TTYH2: variants seen among roughly 807,000 people sequenced by gnomAD.
The protein encoded by TTYH2 is protein tweety homolog 2.
TTYH2 carries 49 observed loss-of-function variants against 68.3 expected under a neutral mutation model. That is an observed-to-expected ratio of 0.72 (90% CI 0.57 to 0.91). The LOEUF is 0.91. Among genes scored for constraint, TTYH2 ranks in the 40% least tolerant of loss-of-function variants. TTYH2 has a pLI of 0.00. For missense variants in TTYH2, 631 were observed against 700.4 expected (o/e 0.90, Z 1.12); for synonymous variants, 272 against 300.8 (o/e 0.90, Z 0.99).
chr17:74,247,332 T>C (rs182593530), intron 6 of TTYH2, among the ~76,000 whole-genome samples: 2 of 152,200 alleles, frequency 1.3e-5, no homozygotes, highest in East Asian at 3.9e-4. Flanking sequence ...GGGTGGACCA[T>C]TTCGACATGC....
Position 74,243,469 on chromosome 17 carries a change from C to T in TTYH2, c.731C>T (p.Ser244Leu), listed in dbSNP as rs775865431. The change falls in exon 5 of 14, where the codon TCG becomes TTG. Residue 244 changes from serine to leucine, a missense_variant and splice_region_variant. By Grantham distance (145) the Ser-to-Leu change is moderately radical. Coordinates refer to ENST00000269346, the MANE Select transcript of TTYH2 (RefSeq NM_032646.6). ...LAKRSKCLLA[S>L]MLCCGALSLL... ...AAGCGCTCCAAGTGTCTCCTGGCCT[C>T]GTGAGTATCCCTACCCGTGGACCTG... The T allele has an allele frequency of 8.1e-6, 13 of 1,613,970 alleles. No individual in the cohort carries two copies. The highest frequency in any genetic ancestry group is 4.4e-5 in the South Asian group (4 of 91,072).
At position 74,215,368 on chromosome 17, in the gene TTYH2, G is replaced by T. The variant is rs561417361; in HGVS notation, c.129+1652G>T. Among the ~76,000 whole-genome samples, 17 of 152,310 alleles carry T rather than the reference G, an allele frequency of 1.1e-4. No individual in the cohort carries two copies. Among genetic ancestry groups the T allele is most frequent in the South Asian group, 6.2e-4 (3 of 4,824 alleles). Reference sequence around the variant, plus strand: ...CCTCACCCTGATGGCCCCAGAGACAGTTCCTATCAGCCCAACAGCTGTGGC... The same window carrying T: ...CCTCACCCTGATGGCCCCAGAGACATTTCCTATCAGCCCAACAGCTGTGGC... On this transcript the variant is annotated intron_variant, in intron 1 of 13. Coordinates refer to ENST00000269346, the MANE Select transcript of TTYH2 (RefSeq NM_032646.6). This position sits in a 1 kb window ranked among gnomAD's most constrained non-coding sequence, Gnocchi z 4.3.
intron 8 of TTYH2, 136 bp downstream of exon 8, chr17:74,249,535 T>C: frequency 1.1e-6 from 1 of 928,938 alleles, no homozygotes; most frequent in Non-Finnish European, 1.7e-6. Flanking sequence ...GCTGCTTCTG[T>C]GAGGGGGGCG....
Position 74,260,201 on chromosome 17 carries a change from C to T in TTYH2, c.1597C>T (p.Pro533Ser), listed in dbSNP as rs753974655. ...CCTGAGGCACTACGGGAATCAGTTT[C>T]CAGCCTAACAGACTTTCGGGGGTTC... is the stretch of plus-strand genomic sequence containing the variant. ...EHLRHYGNQF[P>S]A The change falls in exon 14 of 14, where the codon CCA becomes TCA. Residue 533 changes from proline to serine, a missense_variant. Transcript: ENST00000269346. The T allele has an allele frequency of 1.3e-4, 214 of 1,613,890 alleles. 1 individual carries two copies. The highest frequency in any genetic ancestry group is 1.7e-4 in the Non-Finnish European group (197 of 1,179,950).
intron 2 of TTYH2, among the ~76,000 whole-genome samples, chr17:74,225,656 T>C (rs2050322312): frequency 6.6e-6 from 1 of 152,164 alleles, no homozygotes; most frequent in Admixed American, 6.5e-5. Flanking sequence ...GGAGAGGCTA[T>C]GTCACCAGGG....
At chr17:74,244,491 C>A (rs1224255028) in intron 6 of TTYH2, among the ~76,000 whole-genome samples, 3 of 152,180 alleles carry the variant, frequency 2.0e-5, no homozygotes, top group African/African-American at 7.2e-5. Flanking sequence ...GGCCCTGGGA[C>A]TGTAGAATGT....
At position 74,222,486 on chromosome 17, in the gene TTYH2, C is replaced by G. The variant is rs746749564; in HGVS notation, c.131C>G (p.Ser44Trp). Residue 44 changes from serine (S) to tryptophan (W), a missense_variant and splice_region_variant, in exon 2 of 14, where the codon TCG (serine) becomes TGG (tryptophan). By Grantham distance (177) the Ser-to-Trp change is radical. Coordinates refer to ENST00000269346, the MANE Select transcript of TTYH2 (RefSeq NM_032646.6). The surrounding 1 kb of genome is among the most constrained non-coding windows in gnomAD (Gnocchi z 5.2). ...CAACAGGCCTCTGCTCTCTTCCAGTCGCTGCTGTTCCTGGGGCTGGTGGCC... is the reference window on the plus strand; with the variant it reads ...CAACAGGCCTCTGCTCTCTTCCAGTGGCTGCTGTTCCTGGGGCTGGTGGCC... ...FSPGDESYQE[S>W]LLFLGLVAAV... 2 of 1,607,974 alleles carry G rather than the reference C, an allele frequency of 1.2e-6. No homozygotes were observed. Among genetic ancestry groups the G allele is most frequent in the Middle Eastern group, 1.7e-4 (1 of 6,050 alleles).
intron 13 of TTYH2, among the ~76,000 whole-genome samples, chr17:74,258,702 G>A (rs1000258655): frequency 1.5e-4 from 23 of 149,978 alleles, no homozygotes; most frequent in African/African-American, 5.2e-4. Context: ...TCTCGGTGGG[G>A]GGTTCCTGTA....
rs1467172530 is a variant in TTYH2, at chr17:74,261,079, C to CT, written c.*870_*871insT. ...AAAGAATTGAAACTCCTAGCACATCCAGTTTTTACAACAGATTTGCAGCTC... is the reference window on the plus strand; with the variant it reads ...AAAGAATTGAAACTCCTAGCACATCCTAGTTTTTACAACAGATTTGCAGCTC... On this transcript the variant is annotated 3_prime_UTR_variant, in exon 14 of 14. Transcript: ENST00000269346. 20 of 152,748 alleles carry CT rather than the reference C, an allele frequency of 1.3e-4. No individual in the cohort carries two copies. Among genetic ancestry groups the CT allele is most frequent in the Middle Eastern group, 3.4e-3 (1 of 294 alleles). 9.5% of individuals were successfully genotyped at this position (152,748 alleles called of 1,614,324 possible).
intron 10 of TTYH2, chr17:74,250,565 G>A: frequency 5.3e-6 from 3 of 561,650 alleles, no homozygotes; most frequent in Non-Finnish European, 9.5e-6. Flanking sequence ...AGGGACCAGG[G>A]GTTCGGGATG....
At chr17:74,225,157 G>A (rs933170555) in intron 2 of TTYH2, among the ~76,000 whole-genome samples, 4 of 152,176 alleles carry the variant, frequency 2.6e-5, no homozygotes, top group African/African-American at 9.7e-5. Flanking sequence ...GTGGGGGCAG[G>A]GGAGGCGGAG....
intron 2 of TTYH2, among the ~76,000 whole-genome samples, chr17:74,227,860 T>C (rs1336004630): frequency 6.6e-6 from 1 of 151,962 alleles, no homozygotes; most frequent in Non-Finnish European, 1.5e-5. Context: ...TGGGCCGGGC[T>C]GCTTATCTGC....
In TTYH2 at chr17:74,222,615, G is replaced by A. The variant is rs749246081; in HGVS notation, c.260G>A (p.Cys87Tyr). The change falls in exon 2 of 14, where the codon TGC (cysteine) becomes TAC (tyrosine). Residue 87 changes from cysteine to tyrosine, a missense_variant. Cys to Tyr is a radical substitution (Grantham distance 194). Coordinates refer to ENST00000269346, the MANE Select transcript of TTYH2 (RefSeq NM_032646.6). The surrounding 1 kb of genome is among the most constrained non-coding windows in gnomAD (Gnocchi z 5.2). Reference sequence around the variant, plus strand: ...GTGCAGACCAAGCAGCACCACTCCTGCTGCATCACCTGGACGGCCGTGGTG... The same window carrying A: ...GTGCAGACCAAGCAGCACCACTCCTACTGCATCACCTGGACGGCCGTGGTG... Reference protein sequence around the residue: ...DAVQTKQHHSCCITWTAVVAG... With the variant: ...DAVQTKQHHSYCITWTAVVAG... The A allele has an allele frequency of 6.2e-7, 1 of 1,611,742 alleles. No homozygotes were observed. Among genetic ancestry groups the A allele is most frequent in the South Asian group, 1.1e-5 (1 of 91,078 alleles).
intron 6 of TTYH2, among the ~76,000 whole-genome samples, chr17:74,246,682 G>A (rs540341803): frequency 3.3e-5 from 5 of 152,268 alleles, no homozygotes; most frequent in South Asian, 4.1e-4. Context: ...TAATGCACAC[G>A]TGTATTAGTC....
chr17:74,214,048 G>A lies in TTYH2; in HGVS notation c.129+332G>A, dbSNP rs1053887469. Among the ~76,000 whole-genome samples, 3 of 152,190 alleles carry A rather than the reference G, an allele frequency of 2.0e-5. No homozygotes were observed. Among genetic ancestry groups the A allele is most frequent in the Non-Finnish European group, 2.9e-5 (2 of 68,024 alleles). ...GCGCGGGGGAGGGGTAAGGACAGGG[G>A]CATTCGTCTCGGGGTAATCCTGGCG... On this transcript the variant is annotated intron_variant, in intron 1 of 13. Transcript: ENST00000269346. This position sits in a 1 kb window ranked among gnomAD's most constrained non-coding sequence, Gnocchi z 4.6.
intron 1 of TTYH2, among the ~76,000 whole-genome samples, chr17:74,220,133 A>G (rs916017173): frequency 2.6e-5 from 4 of 152,002 alleles, no homozygotes; most frequent in African/African-American, 4.8e-5. Context: ...AGTGCATGCC[A>G]CCAGGCCTCG....
At position 74,236,717 on chromosome 17, in the gene TTYH2, C is replaced by T. The variant is rs73356632; in HGVS notation, c.415-577C>T. On this transcript the variant is annotated intron_variant, in intron 3 of 13. Transcript: ENST00000269346. ...CCTTTGGCGCCAGCATTCTCTCTCT[C>T]GGAGCCCAGATCCTGTTTAAGGCCA... 8.7e-3 allele frequency among the ~76,000 whole-genome samples: 1,330 copies of T among 152,226 alleles called. 11 individuals carry two copies. Among genetic ancestry groups the T allele is most frequent in the African/African-American group, 0.03 (1,237 of 41,524 alleles).
chr17:74,224,947 C>T (rs574206279), intron 2 of TTYH2, among the ~76,000 whole-genome samples: 8 of 150,524 alleles, frequency 5.3e-5, no homozygotes, highest in Non-Finnish European at 1.0e-4. Flanking sequence ...TGCAGTGAGC[C>T]GAGATTGCGC....
intron 3 of TTYH2, among the ~76,000 whole-genome samples, chr17:74,236,326 A>G (rs1598221660): frequency 1.3e-5 from 2 of 152,256 alleles, no homozygotes; most frequent in East Asian, 1.9e-4. Context: ...TAGTGCCACA[A>G]CAAAGCTTTT....
Sources: gnomAD v4.1 joint callset for allele counts (sites outside exome capture counted in the v4.1 genomes callset) on GRCh38, gnomAD v4.1.1 for gene constraint, Gnocchi (gnomAD v3.1) non-coding constraint, MANE v1.5 for transcripts, NCBI Gene and HGNC (gene_info 2026-07-23, HGNC 2026-07-21) for gene names.